GRM7: variants seen among roughly 807,000 people sequenced by gnomAD.
The protein encoded by GRM7 is metabotropic glutamate receptor 7.
Under a neutral mutation model 84.5 loss-of-function variants are expected in GRM7, and 35 were observed. The observed-to-expected ratio is 0.41, with a 90% CI of 0.32 to 0.55. The LOEUF is 0.55. GRM7 is among the 20% of genes least tolerant of loss of function. GRM7 has a pLI of 0.19. For synonymous variants in GRM7, 487 were observed against 455.1 expected, an observed-to-expected ratio of 1.07 and a Z score of -0.89; for missense variants, 1,003 against 1,194.6, an observed-to-expected ratio of 0.84 and a Z score of 2.36.
At chr3:7,739,715 T>C (rs1189858933) in intron 9 of GRM7, among the ~76,000 whole-genome samples, 1 of 152,158 alleles carries the variant, frequency 6.6e-6, no homozygotes, top group Non-Finnish European at 1.5e-5. Context: ...AGTCCTGAAA[T>C]CACTGTACCA....
chr3:7,239,669 C>A (rs983030596), intron 2 of GRM7, among the ~76,000 whole-genome samples: 1 of 152,076 alleles, frequency 6.6e-6, no homozygotes, highest in Non-Finnish European at 1.5e-5. Flanking sequence ...CTATTAAAGG[C>A]CTAGAGGGGG....
chr3:6,897,187 C>G (rs979924708), intron 1 of GRM7, among the ~76,000 whole-genome samples: 2 of 152,182 alleles, frequency 1.3e-5, no homozygotes, highest in African/African-American at 4.8e-5. Flanking sequence ...AGTTCTGTAC[C>G]TCATACTATT....
At chr3:7,333,363 G>T (rs1447384248) in intron 4 of GRM7, among the ~76,000 whole-genome samples, 1 of 152,160 alleles carries the variant, frequency 6.6e-6, no homozygotes, top group African/African-American at 2.4e-5. Context: ...CCCCACTGTA[G>T]GGCTAGCCCC....
intron 2 of GRM7, among the ~76,000 whole-genome samples, chr3:7,292,332 C>A (rs1335823093): frequency 6.6e-6 from 1 of 152,048 alleles, no homozygotes; most frequent in Non-Finnish European, 1.5e-5. Flanking sequence ...CCTTTATCTC[C>A]TTTTATAATA....
chr3:7,189,280 G>C (rs1695627495), intron 2 of GRM7, among the ~76,000 whole-genome samples: 1 of 152,040 alleles, frequency 6.6e-6, no homozygotes, highest in South Asian at 2.1e-4. Flanking sequence ...ACGTGAGAAA[G>C]CAATAAATCA....
rs934320304 is a variant in GRM7, at chr3:7,436,008, G to A, written c.1175-16599G>A. Among the ~76,000 whole-genome samples the A allele has an allele frequency of 1.1e-4, 16 of 151,200 alleles. 1 individual carries two copies. Among genetic ancestry groups the A allele is most frequent in the African/African-American group, 3.4e-4 (14 of 41,314 alleles). On this transcript the variant is annotated intron_variant, in intron 5 of 9. Coordinates refer to ENST00000357716, the MANE Select transcript of GRM7 (RefSeq NM_000844.4). ...TGAGCCACCAGGCCCAGCCATGCCC[G>A]ACTAATTTTTGTATTTTTAGTAGAG...
At chr3:7,164,950 C>A (rs1362045587) in intron 2 of GRM7, among the ~76,000 whole-genome samples, 2 of 152,174 alleles carry the variant, frequency 1.3e-5, no homozygotes, top group Non-Finnish European at 1.5e-5. Context: ...AAAAAGGAGT[C>A]TTCAGGGGTT....
chr3:7,042,668 T>C (rs1011289162), intron 1 of GRM7, among the ~76,000 whole-genome samples: 1 of 139,924 alleles, frequency 7.1e-6, no homozygotes, highest in Non-Finnish European at 1.5e-5. Flanking sequence ...CTCTAAAAGT[T>C]ATATTTTCAT....
chr3:7,671,484 C>T (rs1029662516), intron 8 of GRM7, among the ~76,000 whole-genome samples: 1 of 151,852 alleles, frequency 6.6e-6, no homozygotes, highest in Non-Finnish European at 1.5e-5. Flanking sequence ...CTGGAGCGCT[C>T]GCCTTACGTC....
intron 2 of GRM7, among the ~76,000 whole-genome samples, chr3:7,236,861 A>G (rs1040641851): frequency 6.6e-6 from 1 of 152,226 alleles, no homozygotes; most frequent in East Asian, 1.9e-4. Context: ...CTGAGCAACA[A>G]TAAATGTATA....
chr3:7,299,205 G>A (rs925155583), intron 3 of GRM7, among the ~76,000 whole-genome samples: 1 of 152,116 alleles, frequency 6.6e-6, no homozygotes, highest in African/African-American at 2.4e-5. Flanking sequence ...ACTTCAATAT[G>A]TTCAAATCAA....
chr3:7,047,395 A>G (rs1268567847), intron 1 of GRM7, among the ~76,000 whole-genome samples: 1 of 152,046 alleles, frequency 6.6e-6, no homozygotes, highest in African/African-American at 2.4e-5. Context: ...CCACTGGGAA[A>G]TATGTGTTTG....
intron 7 of GRM7, among the ~76,000 whole-genome samples, chr3:7,487,483 T>C (rs954832464): frequency 1.3e-5 from 2 of 152,136 alleles, no homozygotes; most frequent in Admixed American, 6.5e-5. Flanking sequence ...AGGTTTGGAA[T>C]GTTCTCCATG....
chr3:7,259,641 G>A (rs1373618966), intron 2 of GRM7, among the ~76,000 whole-genome samples: 1 of 152,180 alleles, frequency 6.6e-6, no homozygotes, highest in East Asian at 1.9e-4. Flanking sequence ...TGGCTGCATA[G>A]TATTAGATGG....
chr3:6,884,096 T>C (rs1259427728), intron 1 of GRM7: 4 of 152,672 alleles, frequency 2.6e-5, no homozygotes, highest in African/African-American at 9.6e-5. Context: ...CATTGGTAAA[T>C]AGGCAGAGCC....
chr3:7,651,946 G>A (rs1698960416), intron 8 of GRM7, among the ~76,000 whole-genome samples: 1 of 152,106 alleles, frequency 6.6e-6, no homozygotes, highest in South Asian at 2.1e-4. Flanking sequence ...CAAATATCTT[G>A]AATATTGTCC....
At chr3:7,221,558 T>A (rs1306301553) in intron 2 of GRM7, among the ~76,000 whole-genome samples, 1 of 152,002 alleles carries the variant, frequency 6.6e-6, no homozygotes, top group Non-Finnish European at 1.5e-5. Flanking sequence ...GGGTTCTGCA[T>A]TTTATATTGT....
At chr3:7,703,350 G>GT (rs1246620504) in intron 9 of GRM7, among the ~76,000 whole-genome samples, 5 of 152,068 alleles carry the variant, frequency 3.3e-5, no homozygotes, top group African/African-American at 1.2e-4. Flanking sequence ...GCATGCTACT[G>GT]TAAGTTCTTT....
intron 1 of GRM7, among the ~76,000 whole-genome samples, chr3:7,119,965 T>A (rs1026541688): frequency 6.6e-6 from 1 of 152,144 alleles, no homozygotes; most frequent in Non-Finnish European, 1.5e-5. Context: ...TAAGGTTTTC[T>A]AGAGATGGCA....
Sources: allele counts gnomAD v4.1 joint callset (sites outside exome capture counted in the v4.1 genomes callset), GRCh38; gene constraint gnomAD v4.1.1; transcripts MANE v1.5; gene names NCBI Gene and HGNC (gene_info 2026-07-23, HGNC 2026-07-21).